MAP4K3: variants seen among roughly 807,000 people sequenced by gnomAD.
MAP4K3 encodes MAPK/ERK kinase kinase kinase 3.
A neutral mutation model predicts 143.5 loss-of-function variants in MAP4K3; 94 were observed. The observed-to-expected ratio is 0.65, with a 90% CI of 0.55 to 0.78. The LOEUF is 0.78. MAP4K3 is among the 30% of genes least tolerant of loss of function. MAP4K3 has a pLI of 0.00. For synonymous variants in MAP4K3, 416 were observed against 347.2 expected, an observed-to-expected ratio of 1.20 and a Z score of -2.20; for missense variants, 1,077 against 1,068.1, an observed-to-expected ratio of 1.01 and a Z score of -0.12.
intron 1 of MAP4K3, among the ~76,000 whole-genome samples, chr2:39,424,240 G>A (rs1157255658): frequency 1.3e-5 from 2 of 152,106 alleles, no homozygotes; most frequent in Non-Finnish European, 2.9e-5. Context: ...CATCGCGCCC[G>A]GCCTGGTTCA....
intron 7 of MAP4K3, among the ~76,000 whole-genome samples, chr2:39,333,252 A>G (rs1683738020): frequency 6.6e-6 from 1 of 152,142 alleles, no homozygotes. Context: ...ATTTCTTACT[A>G]TTACAGAAGT....
At chr2:39,314,974 C>T (rs1417571609) in intron 13 of MAP4K3, among the ~76,000 whole-genome samples, 1 of 152,156 alleles carries the variant, frequency 6.6e-6, no homozygotes, top group African/African-American at 2.4e-5. Context: ...AGATCCCATC[C>T]CAGGTCTACT....
At chr2:39,304,382 C>T (rs1026805593) in intron 15 of MAP4K3, among the ~76,000 whole-genome samples, 2 of 152,146 alleles carry the variant, frequency 1.3e-5, no homozygotes, top group East Asian at 1.9e-4. Context: ...AAGATGAGGG[C>T]CAGACATTCT....
At chr2:39,359,192 A>G (rs967552269) in intron 2 of MAP4K3, among the ~76,000 whole-genome samples, 1 of 152,200 alleles carries the variant, frequency 6.6e-6, no homozygotes, top group Non-Finnish European at 1.5e-5. Flanking sequence ...TGGCCAAAAC[A>G]AAGGGACTAC....
intron 1 of MAP4K3, among the ~76,000 whole-genome samples, chr2:39,405,200 C>T (rs921020210): frequency 1.3e-5 from 2 of 152,230 alleles, no homozygotes; most frequent in African/African-American, 2.4e-5. Context: ...CACCCCTCCC[C>T]CAGCTCCAGG....
At chr2:39,394,910 C>T (rs1666763135) in intron 1 of MAP4K3, among the ~76,000 whole-genome samples, 2 of 152,048 alleles carry the variant, frequency 1.3e-5, no homozygotes, top group Non-Finnish European at 2.9e-5. Flanking sequence ...TCCTGTGCAT[C>T]AGAAGGAATT....
chr2:39,369,193 G>GTTTTTTTGTTTTTTTT (rs747293878), intron 2 of MAP4K3, among the ~76,000 whole-genome samples: 1 of 37,978 alleles, frequency 2.6e-5, no homozygotes, highest in African/African-American at 5.8e-5. Flanking sequence ...CTTTGGGCTA[G>GTTTTTTTGTTTTTTTT]TTTTTTTTTT....
chr2:39,329,536 G>T (rs571683815), intron 8 of MAP4K3, among the ~76,000 whole-genome samples: 2 of 152,290 alleles, frequency 1.3e-5, no homozygotes, highest in Admixed American at 1.3e-4. Flanking sequence ...GGTTTAAAAA[G>T]TAGCAATAGT....
intron 1 of MAP4K3, among the ~76,000 whole-genome samples, chr2:39,419,165 A>C (rs1667477912): frequency 1.3e-5 from 2 of 152,198 alleles, no homozygotes; most frequent in Non-Finnish European, 2.9e-5. Flanking sequence ...GATAAGTTTA[A>C]CAAAAAGGTA....
At chr2:39,415,323 G>A (rs1394343304) in intron 1 of MAP4K3, among the ~76,000 whole-genome samples, 1 of 152,164 alleles carries the variant, frequency 6.6e-6, no homozygotes, top group Non-Finnish European at 1.5e-5. Context: ...GACAAGTTCT[G>A]CACTAAAATA....
At chr2:39,363,459 G>C (rs1665826308) in intron 2 of MAP4K3, among the ~76,000 whole-genome samples, 1 of 152,158 alleles carries the variant, frequency 6.6e-6, no homozygotes. Flanking sequence ...CCTGAGGTCA[G>C]GAGTTTGAGA....
At chr2:39,257,811 A>AAG (rs1324261405) in intron 31 of MAP4K3, among the ~76,000 whole-genome samples, 1 of 151,892 alleles carries the variant, frequency 6.6e-6, no homozygotes, top group African/African-American at 2.4e-5. Flanking sequence ...AAAAAAAAAA[A>AAG]AAAGAAATGA....
intron 1 of MAP4K3, among the ~76,000 whole-genome samples, chr2:39,391,265 A>G (rs1322688828): frequency 7.0e-6 from 1 of 143,850 alleles, no homozygotes; most frequent in Non-Finnish European, 1.5e-5. Context: ...AGGCTGAGGC[A>G]GGAGAATGGC....
At chr2:39,257,994 C>T (rs533775958) in intron 31 of MAP4K3, among the ~76,000 whole-genome samples, 281 of 151,968 alleles carry the variant, frequency 1.8e-3, no homozygotes, top group African/African-American at 6.2e-3. Context: ...TGCAATGGTG[C>T]GATCTCAACT....
intron 2 of MAP4K3, among the ~76,000 whole-genome samples, chr2:39,375,727 T>C (rs1189148632): frequency 6.6e-6 from 1 of 152,194 alleles, no homozygotes; most frequent in Non-Finnish European, 1.5e-5. Flanking sequence ...ATTATTCCCA[T>C]AAGACCCTTC....
chr2:39,406,661 C>T (rs1299049702), intron 1 of MAP4K3, among the ~76,000 whole-genome samples: 1 of 152,112 alleles, frequency 6.6e-6, no homozygotes, highest in Admixed American at 6.5e-5. Flanking sequence ...GAAATCAAGA[C>T]TTTCCCAGAC....
At chr2:39,277,021 A>G (rs544576800) in intron 24 of MAP4K3, among the ~76,000 whole-genome samples, 1 of 152,204 alleles carries the variant, frequency 6.6e-6, no homozygotes, top group African/African-American at 2.4e-5. Flanking sequence ...TCTCGATAAA[A>G]CTGTTTTTGA....
At chr2:39,397,415 C>A (rs1666838937) in intron 1 of MAP4K3, among the ~76,000 whole-genome samples, 1 of 152,126 alleles carries the variant, frequency 6.6e-6, no homozygotes, top group African/African-American at 2.4e-5. Flanking sequence ...TATATTTTCA[C>A]TTAATCACAA....
intron 2 of MAP4K3, among the ~76,000 whole-genome samples, chr2:39,367,378 G>A (rs887611772): frequency 6.6e-6 from 1 of 151,606 alleles, no homozygotes; most frequent in African/African-American, 2.4e-5. Context: ...CTCATCTGTA[G>A]AAAAATTAAA....
Sources: allele counts gnomAD v4.1 joint callset (sites outside exome capture counted in the v4.1 genomes callset), GRCh38; gene constraint gnomAD v4.1.1; transcripts MANE v1.5; gene names NCBI Gene and HGNC (gene_info 2026-07-23, HGNC 2026-07-21).